Variants in DAOA observed in about 807,000 individuals in gnomAD.
The protein encoded by DAOA is D-amino acid oxidase regulator.
DAOA carries 15 observed loss-of-function variants against 16.4 expected under a neutral mutation model. The observed-to-expected ratio is 0.91, with a 90% CI of 0.61 to 1.41. The LOEUF is 1.41. Among genes scored for constraint, DAOA ranks in the 40% most tolerant of loss-of-function variants. The pLI, the probability that DAOA is intolerant of heterozygous loss-of-function variation, is 0.00. For synonymous variants in DAOA, 75 were observed against 59.1 expected (o/e 1.27, Z -1.23); for missense variants, 230 against 176.8 (o/e 1.30, Z -1.71).
intron 4 of DAOA, among the ~76,000 whole-genome samples, chr13:105,485,435 A>G (rs1286036428): frequency 1.3e-5 from 2 of 152,180 alleles, no homozygotes; most frequent in Non-Finnish European, 2.9e-5. Context: ...CTCAGACTTA[A>G]TCATGAAGTC....
intron 1 of DAOA, 58 bp from the exon 2 acceptor site, chr13:105,466,158 C>T: frequency 7.0e-7 from 1 of 1,428,908 alleles, no homozygotes; most frequent in African/African-American, 1.4e-5. Context: ...AGCTACACCC[C>T]AAATTAGTGG....
chr13:105,478,774 A>G (rs1413551124), intron 4 of DAOA, among the ~76,000 whole-genome samples: 1 of 152,192 alleles, frequency 6.6e-6, no homozygotes, highest in Admixed American at 6.5e-5. Flanking sequence ...TCTAAATTCC[A>G]AGAGTCTATG....
At chr13:105,475,509 T>A (rs1243103464) in intron 4 of DAOA, among the ~76,000 whole-genome samples, 1 of 152,168 alleles carries the variant, frequency 6.6e-6, no homozygotes, top group Non-Finnish European at 1.5e-5. Context: ...TTACGTTTTA[T>A]GAGATCCTCT....
At chr13:105,484,814 T>A (rs1229722119) in intron 4 of DAOA, among the ~76,000 whole-genome samples, 1 of 152,162 alleles carries the variant, frequency 6.6e-6, no homozygotes, top group South Asian at 2.1e-4. Context: ...GCCTTACTAC[T>A]ATGAATTCAA....
chr13:105,477,689 A>T (rs9558564), intron 4 of DAOA, among the ~76,000 whole-genome samples: 50,204 of 152,144 alleles, frequency 0.33, 8,793 homozygotes, highest in East Asian at 0.57. Context: ...ACAGCACTGC[A>T]GTCCAGCCTG....
rs1182938981 is a variant in DAOA, at chr13:105,473,694, G to A, written c.281+1009G>A. Among the ~76,000 whole-genome samples, 4 of 152,184 alleles carry A rather than the reference G, an allele frequency of 2.6e-5. No individual in the cohort carries two copies. The East Asian group carries it at 5.8e-4, about 22-fold the overall frequency. The stretch of plus-strand genomic sequence containing the variant: ...AGGACTATTGCAGAGTAATTCCACA[G>A]TGATTTTTAGTCCTACTGATGAGCT... On this transcript the variant is annotated intron_variant, in intron 4 of 5. Coordinates refer to ENST00000375936, the MANE Select transcript of DAOA (RefSeq NM_172370.5).
At chr13:105,472,798 G>T in intron 4 of DAOA, 113 bp downstream of exon 4, 1 of 919,032 alleles carries the variant, frequency 1.1e-6, no homozygotes, top group Non-Finnish European at 1.5e-6. Flanking sequence ...ACTTCATGTT[G>T]AACTTTTATC....
At chr13:105,489,847 T>C (rs1427728630) in intron 4 of DAOA, 54 bp from the exon 5 acceptor site, 2 of 1,613,560 alleles carry the variant, frequency 1.2e-6, no homozygotes, top group African/African-American at 2.7e-5. Flanking sequence ...TTGACTCCGG[T>C]GATGAGGTTA....
At chr13:105,475,024 G>T (rs929639791) in intron 4 of DAOA, 2 of 985,636 alleles carry the variant, frequency 2.0e-6, no homozygotes, top group Non-Finnish European at 2.4e-6. Flanking sequence ...CATTTTAAAA[G>T]AATTTCTCAG....
intron 4 of DAOA, 54 bp downstream of exon 4, chr13:105,472,739 G>A (rs72549480): frequency 6.5e-7 from 1 of 1,529,604 alleles, no homozygotes; most frequent in Non-Finnish European, 8.8e-7. Flanking sequence ...AAATGCTAAT[G>A]TTGGAACTTA....
intron 5 of DAOA, 37 bp from the exon 6 acceptor site, chr13:105,490,875 A>G (rs1404453896): frequency 6.6e-6 from 1 of 151,790 alleles, no homozygotes; most frequent in African/African-American, 2.4e-5. Context: ...TTAAAAAAAA[A>G]AGTTTTCTTA....
rs145134152 is a variant in DAOA at position 105,485,534 on chromosome 13, C to T, written c.282-4367C>T. Among the ~76,000 whole-genome samples the T allele has an allele frequency of 9.5e-4, 145 of 152,270 alleles. 3 individuals carry two copies. Among genetic ancestry groups the T allele is most frequent in the African/African-American group, 3.2e-3 (135 of 41,568 alleles). On this transcript the variant is annotated intron_variant, in intron 4 of 5. Coordinates refer to ENST00000375936, the MANE Select transcript of DAOA (RefSeq NM_172370.5). ...TATCTCACTTCCTTTCAATAATCCC[C>T]TGTTTGGGGTTAAACTATATCCCCA...
In DAOA at chr13:105,466,244, C is replaced by T; in HGVS notation, c.-45C>T. On this transcript the variant is annotated 5_prime_UTR_variant, in exon 2 of 6. Coordinates refer to ENST00000375936, the MANE Select transcript of DAOA (RefSeq NM_172370.5). ...TTGGAAAGGGCATGGCAGGAGGTCT[C>T]ATCTCTGCTTCACAATGCCGATGAT... The T allele has an allele frequency of 6.2e-7, 1 of 1,613,310 alleles. No homozygotes were observed. Among genetic ancestry groups the T allele is most frequent in the South Asian group, 1.1e-5 (1 of 90,872 alleles).
intron 4 of DAOA, among the ~76,000 whole-genome samples, chr13:105,484,177 G>A (rs1877951073): frequency 6.6e-6 from 1 of 151,932 alleles, no homozygotes; most frequent in Non-Finnish European, 1.5e-5. Flanking sequence ...AAAATCAGTT[G>A]TCCATATATG....
chr13:105,473,531 T>C (rs1030198731), intron 4 of DAOA, among the ~76,000 whole-genome samples: 1 of 152,184 alleles, frequency 6.6e-6, no homozygotes, highest in African/African-American at 2.4e-5. Flanking sequence ...TTGACTTTCA[T>C]GTTTTATCTG....
intron 4 of DAOA, among the ~76,000 whole-genome samples, chr13:105,483,556 G>A (rs2139197224): frequency 6.6e-6 from 1 of 152,230 alleles, no homozygotes; most frequent in South Asian, 2.1e-4. Flanking sequence ...TTTTAAAAAA[G>A]AGGGCAGTGC....
chr13:105,472,884 A>AT (rs1877072782), intron 4 of DAOA, among the ~76,000 whole-genome samples, 199 bp downstream of exon 4: 1 of 152,034 alleles, frequency 6.6e-6, no homozygotes. Flanking sequence ...GCTTCTTCAC[A>AT]TTTTTTCATG....
chr13:105,467,071 T>C lies in DAOA; in HGVS notation c.63T>C (p.Gly21=). ...TTTTTAGATCCAGATATACATTGGG[T>C]AAAATCTACTTCATAGGTTTTCAAA... is the stretch of plus-strand genomic sequence containing the variant. ...LQLFRSRYTL[G]KIYFIGFQRS... The change falls in exon 3 of 6, where the codon GGT becomes GGC. Residue 21 remains glycine (G), a synonymous_variant. Transcript: ENST00000375936. 1 of 1,611,080 alleles carries C rather than the reference T, an allele frequency of 6.2e-7. No homozygotes were observed. Among genetic ancestry groups the C allele is most frequent in the Non-Finnish European group, 8.5e-7 (1 of 1,178,150 alleles).
rs1286802795 is a variant in DAOA at position 105,466,073 on chromosome 13, T to A, written c.-74+13T>A. The A allele has an allele frequency of 1.8e-6, 1 of 553,862 alleles. No homozygotes were observed. 34.3% of individuals were successfully genotyped at this position (553,862 alleles called of 1,614,324 possible). A position where few individuals can be genotyped will look rare whatever the true frequency, so the allele number is the denominator to read the frequency against. On this transcript the variant is annotated intron_variant, in intron 1 of 5. Coordinates refer to ENST00000375936, the MANE Select transcript of DAOA (RefSeq NM_172370.5). ...AAGTAATGTGTGTGTGAGTAGTCAT[T>A]GGATACATACATAACAGTGAGCAAG...
Sources: gnomAD v4.1 joint callset for allele counts (sites outside exome capture counted in the v4.1 genomes callset) on GRCh38, gnomAD v4.1.1 for gene constraint, MANE v1.5 for transcripts, NCBI Gene and HGNC (gene_info 2026-07-23, HGNC 2026-07-21) for gene names.